The following VAV3 variants were observed in gnomAD, a reference collection of about 807,000 sequenced individuals.
VAV3 encodes guanine nucleotide exchange factor VAV3.
A neutral mutation model predicts 131.2 loss-of-function variants in VAV3; 94 were observed. That is an observed-to-expected ratio of 0.72 (90% confidence interval 0.61 to 0.85). The LOEUF is 0.85. VAV3 is among the 40% of genes least tolerant of loss of function. VAV3 has a pLI of 0.00. For synonymous variants in VAV3, 349 were observed against 342.0 expected (o/e 1.02, Z -0.22); for missense variants, 939 against 1,002.7 (o/e 0.94, Z 0.86).
intron 1 of VAV3, among the ~76,000 whole-genome samples, chr1:107,906,505 A>G (rs1162688542): frequency 6.6e-6 from 1 of 151,978 alleles, no homozygotes; most frequent in African/African-American, 2.4e-5. Flanking sequence ...TCTACTAAAA[A>G]CACACAAAAA....
At chr1:107,907,172 G>A (rs747935540) in intron 1 of VAV3, among the ~76,000 whole-genome samples, 26 of 152,092 alleles carry the variant, frequency 1.7e-4, no homozygotes, top group Non-Finnish European at 3.4e-4. Flanking sequence ...AATCGGACTC[G>A]GAAATTACAT....
chr1:107,856,522 A>C (rs1014385200), intron 2 of VAV3, among the ~76,000 whole-genome samples: 2 of 151,996 alleles, frequency 1.3e-5, no homozygotes, highest in Non-Finnish European at 2.9e-5. Flanking sequence ...TTCCCCCAGG[A>C]CCGAAATATT....
chr1:107,806,379 C>T (rs934339409), intron 2 of VAV3, among the ~76,000 whole-genome samples: 1 of 151,870 alleles, frequency 6.6e-6, no homozygotes, highest in Non-Finnish European at 1.5e-5. Flanking sequence ...TTCTCTGTGG[C>T]CCCAGGAACT....
In VAV3 at chr1:107,572,342, C is replaced by G. The variant is rs1282542428; in HGVS notation, c.*989G>C. The G allele has an allele frequency of 6.6e-6, 1 of 152,136 alleles. No individual in the cohort carries two copies. The highest frequency in any genetic ancestry group is 1.5e-5 in the Non-Finnish European group (1 of 68,052). The allele number at this position is 152,136 out of a possible 1,614,324, so 9.4% of individuals were successfully genotyped here. A position where few individuals can be genotyped will look rare whatever the true frequency, so the allele number is the denominator to read the frequency against. On this transcript the variant is annotated 3_prime_UTR_variant, in exon 27 of 27. Transcript: ENST00000370056. Reference sequence around the variant, plus strand: ...AATCCTCAACAAAGTTGTTTGTGCTCCAAGAAAATGTGGGAATAAAAAAAT... The same window carrying G: ...AATCCTCAACAAAGTTGTTTGTGCTGCAAGAAAATGTGGGAATAAAAAAAT...
Position 107,745,960 on chromosome 1 carries a change from T to G in VAV3, c.1502+3008A>C, listed in dbSNP as rs566148505. Reference sequence around the variant, plus strand: ...AAGACACTGGGAAGAAGCCATCCTGTGGAGATACACAAGGCTTGCTGTTCT... The same window carrying G: ...AAGACACTGGGAAGAAGCCATCCTGGGGAGATACACAAGGCTTGCTGTTCT... On this transcript the variant is annotated intron_variant, in intron 15 of 26. Coordinates refer to ENST00000370056, the MANE Select transcript of VAV3 (RefSeq NM_006113.5). Among the ~76,000 whole-genome samples the G allele has an allele frequency of 8.5e-5, 13 of 152,312 alleles. 1 individual carries two copies. In the South Asian group the frequency reaches 2.7e-3, roughly 32 times the overall value.
chr1:107,829,319 CCT>C (rs1355267763), intron 2 of VAV3, among the ~76,000 whole-genome samples: 1 of 152,060 alleles, frequency 6.6e-6, no homozygotes, highest in Non-Finnish European at 1.5e-5. Flanking sequence ...CATCTGTTCC[CCT>C]GATTTATATA....
chr1:107,762,499 T>C (rs990583741), intron 9 of VAV3, among the ~76,000 whole-genome samples: 3 of 152,152 alleles, frequency 2.0e-5, no homozygotes, highest in Non-Finnish European at 4.4e-5. Context: ...TTCTACAGAT[T>C]GTAGAGAGCT....
intron 17 of VAV3, among the ~76,000 whole-genome samples, chr1:107,690,099 G>A (rs1226373287): frequency 6.6e-6 from 1 of 152,138 alleles, no homozygotes; most frequent in South Asian, 2.1e-4. Context: ...GCTCTTTTGG[G>A]TTCAGTGTTC....
chr1:107,817,871 T>A (rs1396867382), intron 2 of VAV3, among the ~76,000 whole-genome samples: 1 of 151,952 alleles, frequency 6.6e-6, no homozygotes, highest in East Asian at 1.9e-4. Context: ...CGGAAAAAAA[T>A]GCAATTTACT....
intron 19 of VAV3, among the ~76,000 whole-genome samples, chr1:107,657,882 T>C (rs1261454460): frequency 6.6e-6 from 1 of 152,222 alleles, no homozygotes; most frequent in East Asian, 1.9e-4. Flanking sequence ...TAATCATTAG[T>C]ACAGTCATGG....
At chr1:107,633,254 A>G (rs1654642461) in intron 20 of VAV3, among the ~76,000 whole-genome samples, 1 of 152,210 alleles carries the variant, frequency 6.6e-6, no homozygotes, top group Non-Finnish European at 1.5e-5. Context: ...ATGAAAAGAA[A>G]CAGAGCTTGG....
rs571302975 is a variant in VAV3, at chr1:107,762,911, G to A, written c.922-2032C>T. Among the ~76,000 whole-genome samples the A allele has an allele frequency of 5.3e-5, 8 of 152,228 alleles. No homozygotes were observed. The South Asian group carries it at 1.0e-3, about 20-fold the overall frequency. On this transcript the variant is annotated intron_variant, in intron 9 of 26. Coordinates refer to ENST00000370056, the MANE Select transcript of VAV3 (RefSeq NM_006113.5). ...GCTTAGCCTCAATTCAATTGTAATG[G>A]AAAATAAAATGAGGTAGGATGAGCC...
At chr1:107,793,977 A>G (rs1666423814) in intron 2 of VAV3, among the ~76,000 whole-genome samples, 1 of 152,372 alleles carries the variant, frequency 6.6e-6, no homozygotes, top group Non-Finnish European at 1.5e-5. Flanking sequence ...ATCTAGCTTG[A>G]GCAAACTTTA....
At chr1:107,769,565 T>C (rs192351693) in intron 6 of VAV3, among the ~76,000 whole-genome samples, 1 of 152,388 alleles carries the variant, frequency 6.6e-6, no homozygotes, top group Non-Finnish European at 1.5e-5. Flanking sequence ...TCCCAGGGCC[T>C]TAATGCCATT....
chr1:107,777,582 T>G (rs946713284), intron 3 of VAV3: 19 of 422,144 alleles, frequency 4.5e-5, no homozygotes, highest in Non-Finnish European at 7.7e-5. Flanking sequence ...ATAACGTGCT[T>G]ATCTGATCTC....
intron 5 of VAV3, among the ~76,000 whole-genome samples, chr1:107,771,923 C>G (rs1170206902): frequency 6.6e-6 from 1 of 152,216 alleles, no homozygotes; most frequent in African/African-American, 2.4e-5. Flanking sequence ...TTATATTCCT[C>G]AAACACAGGC....
At position 107,777,217 on chromosome 1, in the gene VAV3, A is replaced by C. The variant is rs1211649159; in HGVS notation, c.446+14T>G. On this transcript the variant is annotated intron_variant, in intron 4 of 26. Transcript: ENST00000370056. Reference sequence around the variant, plus strand: ...TTGGCAGTGGCTAAATTTTGCTTGAAATTTTCAACATACTCTATTAAATCA... The same window carrying C: ...TTGGCAGTGGCTAAATTTTGCTTGACATTTTCAACATACTCTATTAAATCA... The C allele has an allele frequency of 6.2e-7, 1 of 1,613,100 alleles. No individual in the cohort carries two copies. The highest frequency in any genetic ancestry group is 8.5e-7 in the Non-Finnish European group (1 of 1,179,282).
intron 15 of VAV3, among the ~76,000 whole-genome samples, chr1:107,726,901 C>T (rs2101947722): frequency 6.6e-6 from 1 of 152,280 alleles, no homozygotes; most frequent in South Asian, 2.1e-4. Flanking sequence ...CTATCATTGT[C>T]TAGTGTGTAA....
intron 2 of VAV3, among the ~76,000 whole-genome samples, chr1:107,863,004 G>C (rs755388169): frequency 6.6e-6 from 1 of 151,874 alleles, no homozygotes; most frequent in African/African-American, 2.4e-5. Context: ...GAAAATTTAG[G>C]ATGGCACAAT....
Sources: gnomAD v4.1 joint callset for allele counts (sites outside exome capture counted in the v4.1 genomes callset) on GRCh38, gnomAD v4.1.1 for gene constraint, MANE v1.5 for transcripts, NCBI Gene and HGNC (gene_info 2026-07-23, HGNC 2026-07-21) for gene names.